The following NIM1K variants were observed in gnomAD, a reference collection of about 807,000 sequenced individuals.
NIM1K encodes the protein serine/threonine-protein kinase NIM1.
In NIM1K, 35 loss-of-function variants were observed where a neutral mutation model predicts 37.1. That is an observed-to-expected ratio of 0.94 (90% CI 0.72 to 1.25). NIM1K has a LOEUF of 1.25. NIM1K is among the 50% of genes most tolerant of loss of function. The pLI is 0.00. For missense variants in NIM1K, 564 were observed against 548.0 expected (o/e 1.03, Z -0.29); for synonymous variants, 234 against 206.6 (o/e 1.13, Z -1.14).
intron 1 of NIM1K, among the ~76,000 whole-genome samples, chr5:43,206,104 G>T (rs1752106380): frequency 6.6e-6 from 1 of 152,110 alleles, no homozygotes; most frequent in Admixed American, 6.6e-5. Context: ...AGATAAATCA[G>T]CAGGTCAGTC....
chr5:43,207,646 T>A (rs1752137128), intron 1 of NIM1K: 1 of 603,960 alleles, frequency 1.7e-6, no homozygotes, highest in Admixed American at 2.0e-5. Flanking sequence ...ACTGTGTCAA[T>A]CTGACGGAAG....
intron 1 of NIM1K, among the ~76,000 whole-genome samples, chr5:43,218,926 A>G (rs969001431): frequency 2.0e-5 from 3 of 152,058 alleles, no homozygotes; most frequent in Non-Finnish European, 4.4e-5. Context: ...TGTAGTTTCC[A>G]TAATCCCCAT....
At chr5:43,236,009 C>G (rs1034109129) in intron 1 of NIM1K, among the ~76,000 whole-genome samples, 1 of 152,106 alleles carries the variant, frequency 6.6e-6, no homozygotes, top group Non-Finnish European at 1.5e-5. Context: ...CATGGTTGTT[C>G]ACGCCTGTAA....
intron 2 of NIM1K, among the ~76,000 whole-genome samples, chr5:43,273,479 G>A (rs916471139): frequency 2.0e-5 from 3 of 152,118 alleles, no homozygotes; most frequent in African/African-American, 7.2e-5. Flanking sequence ...AAAGTGCTGG[G>A]ATTACAGGTG....
At chr5:43,267,531 G>T (rs56331753) in intron 2 of NIM1K, among the ~76,000 whole-genome samples, 33,480 of 151,910 alleles carry the variant, frequency 0.22, 3,797 homozygotes, top group African/African-American at 0.25. Flanking sequence ...AGCTCCTTGA[G>T]GTGCGATGTT....
intron 2 of NIM1K, among the ~76,000 whole-genome samples, chr5:43,266,120 C>T (rs1218320833): frequency 6.6e-6 from 1 of 152,212 alleles, no homozygotes; most frequent in Non-Finnish European, 1.5e-5. Context: ...ACACTCTGTG[C>T]TGGGAGAACC....
chr5:43,258,884 A>ACAT (rs1561089881), intron 2 of NIM1K, among the ~76,000 whole-genome samples: 1 of 152,128 alleles, frequency 6.6e-6, no homozygotes, highest in African/African-American at 2.4e-5. Context: ...TGAGTAGTGT[A>ACAT]CATTGTACCC....
At chr5:43,235,946 G>A (rs1009851860) in intron 1 of NIM1K, among the ~76,000 whole-genome samples, 2 of 151,352 alleles carry the variant, frequency 1.3e-5, no homozygotes, top group African/African-American at 2.4e-5. Context: ...GTTTCACTTC[G>A]CCAGTGTTTT....
chr5:43,259,134 C>T (rs1025091743), intron 2 of NIM1K, among the ~76,000 whole-genome samples: 4 of 152,118 alleles, frequency 2.6e-5, no homozygotes, highest in African/African-American at 4.8e-5. Flanking sequence ...ATATACACCA[C>T]GTTTTCTTTA....
intron 1 of NIM1K, chr5:43,193,562 G>A (rs1406232562): frequency 1.3e-5 from 2 of 150,982 alleles, no homozygotes; most frequent in Non-Finnish European, 2.9e-5. Context: ...CACAAATCGC[G>A]TTTGCAATTG....
rs565785880 is a variant in NIM1K at position 43,202,247 on chromosome 5, G to C, written c.-695+9836G>C. On this transcript the variant is annotated intron_variant, in intron 1 of 3. Coordinates refer to ENST00000326035, the MANE Select transcript of NIM1K (RefSeq NM_153361.4). Reference sequence around the variant, plus strand: ...CATGCAGACTGGAGTGCAATGGCATGGGCATAATTCACTGTAGCCTCAAAC... The same window carrying C: ...CATGCAGACTGGAGTGCAATGGCATCGGCATAATTCACTGTAGCCTCAAAC... Among the ~76,000 whole-genome samples, 16 of 152,050 alleles carry C rather than the reference G, an allele frequency of 1.1e-4. No individual in the cohort carries two copies. The South Asian group carries it at 3.3e-3, about 32-fold the overall frequency.
At position 43,271,975 on chromosome 5, in the gene NIM1K, T is replaced by G. The variant is rs371113661; in HGVS notation, c.293-5082T>G. Among the ~76,000 whole-genome samples the G allele has an allele frequency of 4.1e-4, 62 of 152,336 alleles. 1 individual carries two copies. The South Asian group carries it at 9.7e-3, about 24-fold the overall frequency. ...TCACTCACCATACTTCTCGGGCAAT[T>G]CATCTAAACTGTTGTATCAATAGTT... is the stretch of plus-strand genomic sequence containing the variant. On this transcript the variant is annotated intron_variant, in intron 2 of 3. Coordinates refer to ENST00000326035, the MANE Select transcript of NIM1K (RefSeq NM_153361.4).
At chr5:43,195,564 G>T (rs978195405) in intron 1 of NIM1K, among the ~76,000 whole-genome samples, 5 of 151,846 alleles carry the variant, frequency 3.3e-5, no homozygotes, top group African/African-American at 1.2e-4. Flanking sequence ...GGAGACTGAG[G>T]GAGGAGGATT....
intron 2 of NIM1K, among the ~76,000 whole-genome samples, chr5:43,264,558 G>C (rs377478213): frequency 3.3e-5 from 5 of 152,150 alleles, no homozygotes; most frequent in Non-Finnish European, 7.3e-5. Flanking sequence ...ACACTGATGC[G>C]TCTTGACTCT....
At chr5:43,263,042 TG>T (rs1229302162) in intron 2 of NIM1K, among the ~76,000 whole-genome samples, 1 of 152,260 alleles carries the variant, frequency 6.6e-6, no homozygotes, top group Non-Finnish European at 1.5e-5. Flanking sequence ...TTTGCATCAA[TG>T]TTCATCAGGG....
intron 1 of NIM1K, among the ~76,000 whole-genome samples, chr5:43,231,583 T>C (rs1266447776): frequency 6.6e-6 from 1 of 152,242 alleles, no homozygotes; most frequent in African/African-American, 2.4e-5. Flanking sequence ...TGTTACTACA[T>C]ATTTGTTCAC....
In NIM1K at chr5:43,280,622, A is replaced by C. The variant is rs770642967; in HGVS notation, c.1204A>C (p.Ser402Arg). ...HRVQRKKALE[S>R]VPVMMLPDPK... ...AGTCCAAAGGAAGAAGGCTTTGGAA[A>C]GTGTCCCAGTCATGATGCTACCAGA... is the stretch of plus-strand genomic sequence containing the variant. Residue 402 changes from serine (S) to arginine (R), a missense_variant, in exon 4 of 4, where the codon AGT becomes CGT. Coordinates refer to ENST00000326035, the MANE Select transcript of NIM1K (RefSeq NM_153361.4). The C allele has an allele frequency of 5.0e-6, 8 of 1,614,044 alleles. No individual in the cohort carries two copies. The East Asian group carries it at 1.6e-4, about 31-fold the overall frequency.
chr5:43,235,431 T>C (rs947209682), intron 1 of NIM1K, among the ~76,000 whole-genome samples: 1 of 152,252 alleles, frequency 6.6e-6, no homozygotes, highest in African/African-American at 2.4e-5. Flanking sequence ...GGTTAAGAGA[T>C]ACTCAATTGT....
chr5:43,275,956 A>G (rs368573392), intron 2 of NIM1K, among the ~76,000 whole-genome samples: 33 of 144,846 alleles, frequency 2.3e-4, no homozygotes, highest in East Asian at 2.0e-3. Context: ...GCTGGAGAGC[A>G]GTGGTGCGAT....
Sources: allele counts gnomAD v4.1 joint callset (sites outside exome capture counted in the v4.1 genomes callset), GRCh38; gene constraint gnomAD v4.1.1; transcripts MANE v1.5; gene names NCBI Gene and HGNC (gene_info 2026-07-23, HGNC 2026-07-21).